The following IRAG2 variants were observed in gnomAD, a reference collection of about 807,000 sequenced individuals.
The protein encoded by IRAG2 is lymphoid restricted membrane protein.
A neutral mutation model predicts 69.9 loss-of-function variants in IRAG2; 45 were observed. The observed-to-expected ratio is 0.64, with a 90% confidence interval of 0.51 to 0.83. The LOEUF (loss-of-function observed/expected upper bound fraction) is 0.83. Among genes scored for constraint, IRAG2 ranks in the 40% least tolerant of loss-of-function variants. The pLI is 0.00. For synonymous variants in IRAG2, 193 were observed against 202.4 expected, an observed-to-expected ratio of 0.95 and a Z score of 0.40; for missense variants, 520 against 587.0, an observed-to-expected ratio of 0.89 and a Z score of 1.18.
chr12:25,092,260 TGTG>T (rs1477235313), intron 14 of IRAG2, among the ~76,000 whole-genome samples: 2 of 151,508 alleles, frequency 1.3e-5, no homozygotes, highest in East Asian at 1.9e-4. Flanking sequence ...ATTAGCCAGG[TGTG>T]GTGGTGGGCG....
intron 17 of IRAG2, 118 bp downstream of exon 17, chr12:25,102,359 GATGT>G: frequency 1.3e-6 from 1 of 755,970 alleles, no homozygotes; most frequent in Non-Finnish European, 2.2e-6. Context: ...AATTCATATA[GATGT>G]ATTTGTTTAT....
intron 10 of IRAG2, among the ~76,000 whole-genome samples, chr12:25,086,694 G>A (rs190561271): frequency 7.9e-4 from 120 of 152,146 alleles, no homozygotes; most frequent in Admixed American, 2.6e-3. Context: ...GGGAAATCAA[G>A]GGGAAAAAAT....
rs1390851079 is a variant in IRAG2, at chr12:25,089,597, TTATTA to T, written c.374-12_374-8del. On this transcript the variant is annotated splice_polypyrimidine_tract_variant and intron_variant, in intron 11 of 21. Coordinates refer to ENST00000556887, the MANE Select transcript of IRAG2 (RefSeq NM_001366544.2). ...CAAGCCTTTTTAACCAAATAATATT[TTATTA>T]TATTTTAATAGACTCTGTGGTTTCC... 16 of 1,492,106 alleles carry T rather than the reference TTATTA, an allele frequency of 1.1e-5. No individual in the cohort carries two copies. The highest frequency in any genetic ancestry group is 1.4e-5 in the African/African-American group (1 of 70,834). The allele number at this position is 1,492,106 out of a possible 1,614,324, so 92.4% of individuals were successfully genotyped here.
chr12:25,066,324 G>C (rs1389663388), intron 4 of IRAG2, 41 bp from the exon 5 acceptor site: 1 of 400,528 alleles, frequency 2.5e-6, no homozygotes, highest in Non-Finnish European at 4.4e-6. Flanking sequence ...GTTTGAACCA[G>C]AAATTGGTCT....
intron 2 of IRAG2, chr12:25,006,389 T>C (rs184460592): frequency 1.0e-3 from 154 of 152,320 alleles, no homozygotes; most frequent in African/African-American, 3.6e-3. Context: ...CCCAAAGGAA[T>C]GTAAATCATT....
chr12:25,053,132 G>T (rs1374241926), intron 1 of IRAG2, among the ~76,000 whole-genome samples, 176 bp downstream of exon 1: 1 of 152,058 alleles, frequency 6.6e-6, no homozygotes, highest in East Asian at 1.9e-4. Flanking sequence ...GTGGCTAGGT[G>T]CATGCATGGG....
chr12:25,001,435 G>A (rs1159242377), upstream of IRAG2, among the ~76,000 whole-genome samples: 1 of 152,028 alleles, frequency 6.6e-6, no homozygotes, highest in East Asian at 1.9e-4. Flanking sequence ...AACAGACCAA[G>A]ACCCTGTCTC....
chr12:25,067,289 A>G (rs1211357607), intron 5 of IRAG2, among the ~76,000 whole-genome samples: 2 of 152,154 alleles, frequency 1.3e-5, no homozygotes, highest in African/African-American at 4.8e-5. Context: ...TGTAGTCTCA[A>G]TACCACACTT....
At chr12:25,095,509 G>A (rs1265935996) in intron 14 of IRAG2, among the ~76,000 whole-genome samples, 3 of 152,056 alleles carry the variant, frequency 2.0e-5, no homozygotes, top group Non-Finnish European at 4.4e-5. Flanking sequence ...TGTACATGAT[G>A]TATAATCCTT....
At chr12:25,026,575 G>A (rs1944623562) in intron 8 of IRAG2, among the ~76,000 whole-genome samples, 5 of 152,122 alleles carry the variant, frequency 3.3e-5, no homozygotes, top group South Asian at 4.1e-4. Context: ...GTTGTTGAAC[G>A]GTGGGATGCT....
intron 9 of IRAG2, among the ~76,000 whole-genome samples, chr12:25,027,228 C>T (rs1944629436): frequency 6.6e-6 from 1 of 152,012 alleles, no homozygotes; most frequent in South Asian, 2.1e-4. Context: ...TCTCCCCAAC[C>T]CTAAGCAGCC....
chr12:25,061,750 C>A, intron 2 of IRAG2, 97 bp downstream of exon 2: 1 of 397,042 alleles, frequency 2.5e-6, no homozygotes, highest in South Asian at 1.3e-4. Context: ...TGACTTTAAT[C>A]ATTAAATTAA....
chr12:25,088,026 G>C, intron 10 of IRAG2, 74 bp from the exon 11 acceptor site: 1 of 1,097,136 alleles, frequency 9.1e-7, no homozygotes, highest in Non-Finnish European at 1.4e-6. Flanking sequence ...CTTAGGAGAG[G>C]ACAGGAAGTA....
At chr12:25,035,975 C>A (rs1341476710) in intron 14 of IRAG2, among the ~76,000 whole-genome samples, 1 of 152,324 alleles carries the variant, frequency 6.6e-6, no homozygotes, top group Non-Finnish European at 1.5e-5. Context: ...CTGGGTCAAT[C>A]AGGGCTAACA....
intron 14 of IRAG2, among the ~76,000 whole-genome samples, chr12:25,036,179 A>G (rs1944700572): frequency 6.6e-6 from 1 of 152,184 alleles, no homozygotes; most frequent in Admixed American, 6.5e-5. Context: ...TCAGAGAACA[A>G]TATTTTCATA....
chr12:25,087,180 T>TTTTTTTTTTTTTTTTTTTGTTG (rs1450270058), intron 10 of IRAG2, among the ~76,000 whole-genome samples: 3 of 125,228 alleles, frequency 2.4e-5, no homozygotes, highest in African/African-American at 9.4e-5. Flanking sequence ...TTTTTTTTTT[T>TTTTTTTTTTTTTTTTTTTGTTG]TTGTTGAGAC....
chr12:25,076,283 C>A (rs1269246889), intron 6 of IRAG2: 2 of 362,388 alleles, frequency 5.5e-6, no homozygotes, highest in Non-Finnish European at 7.7e-6. Flanking sequence ...TATTAAATGG[C>A]TACTAAACAT....
In IRAG2 at chr12:25,079,262, G is replaced by T. The variant is rs143325687; in HGVS notation, c.43G>T (p.Val15Leu). 6.2e-7 allele frequency: 1 copy of T among 1,614,104 alleles called. No individual in the cohort carries two copies. The highest frequency in any genetic ancestry group is 1.1e-5 in the South Asian group (1 of 91,080). ...PSMEENGVER[V>L]CPESLLQSRE... ...CCTTAAGGAGAATGGTGTTGAACGCGTGTGTCCTGAGAGCCTGCTGCAGTC... is the reference window on the plus strand; with the variant it reads ...CCTTAAGGAGAATGGTGTTGAACGCTTGTGTCCTGAGAGCCTGCTGCAGTC... Residue 15 changes from valine (V) to leucine (L), a missense_variant, in exon 7 of 22, where the codon GTG becomes TTG. Physicochemically the swap from Val to Leu is conservative, Grantham distance 32 (BLOSUM62 1). Transcript: ENST00000556887.
At chr12:25,056,949 C>A (rs1451934756) in intron 1 of IRAG2, among the ~76,000 whole-genome samples, 1 of 152,190 alleles carries the variant, frequency 6.6e-6, no homozygotes, top group African/African-American at 2.4e-5. Flanking sequence ...GGCTCTACCC[C>A]AGCCTTGTAG....
Sources: allele counts gnomAD v4.1 joint callset (sites outside exome capture counted in the v4.1 genomes callset), GRCh38; gene constraint gnomAD v4.1.1; transcripts MANE v1.5; gene names NCBI Gene and HGNC (gene_info 2026-07-23, HGNC 2026-07-21).